TMC5: variants seen among roughly 807,000 people sequenced by gnomAD.
The protein encoded by TMC5 is transmembrane channel-like protein 5.
A neutral mutation model predicts 110.5 loss-of-function variants in TMC5; 86 were observed. That is an observed-to-expected ratio of 0.78 (90% confidence interval 0.65 to 0.93). The LOEUF (loss-of-function observed/expected upper bound fraction) is 0.93. Ranked by LOEUF, TMC5 falls within the 40% of genes least tolerant of loss-of-function variation. The pLI is 0.00. For synonymous variants in TMC5, 455 were observed against 439.5 expected (o/e 1.04, Z -0.44); for missense variants, 1,144 against 1,222.8 (o/e 0.94, Z 0.96).
intron 5 of TMC5, among the ~76,000 whole-genome samples, chr16:19,451,601 C>A (rs984410905): frequency 6.6e-6 from 1 of 152,030 alleles, no homozygotes; most frequent in Non-Finnish European, 1.5e-5. Flanking sequence ...CTTCTGTGAA[C>A]AAATGGGTGG....
In TMC5 at chr16:19,449,445, C is replaced by T. The variant is rs74013780; in HGVS notation, c.959-97C>T. 8.0e-6 allele frequency: 8 copies of T among 999,578 alleles called. No individual in the cohort carries two copies. In the East Asian group the frequency reaches 1.2e-4, roughly 15 times the overall value. The allele number at this position is 999,578 out of a possible 1,614,324, so 61.9% of individuals were successfully genotyped here. ...AAGACCAGGTCTCAGTCTTATTAGC[C>T]GTTACGAACCACTATTAGCACATCA... On this transcript the variant is annotated intron_variant, in intron 4 of 21. Transcript: ENST00000542583.
At chr16:19,462,199 T>G (rs770360874) in intron 6 of TMC5, among the ~76,000 whole-genome samples, 2 of 152,180 alleles carry the variant, frequency 1.3e-5, no homozygotes, top group Non-Finnish European at 2.9e-5. Flanking sequence ...ATAGCAAGAT[T>G]TCTTAATATC....
intron 5 of TMC5, among the ~76,000 whole-genome samples, chr16:19,457,249 C>T (rs1474965784): frequency 6.6e-6 from 1 of 152,026 alleles, no homozygotes; most frequent in Non-Finnish European, 1.5e-5. Flanking sequence ...AAAATAATAA[C>T]CAGGCATGAT....
intron 1 of TMC5, among the ~76,000 whole-genome samples, chr16:19,422,103 T>C (rs1597155920): frequency 1.3e-5 from 2 of 151,396 alleles, no homozygotes; most frequent in East Asian, 2.0e-4. Flanking sequence ...TGGTGGCACA[T>C]GCCTGTAGTC....
intron 2 of TMC5, among the ~76,000 whole-genome samples, chr16:19,433,309 A>C (rs1202135407): frequency 6.6e-6 from 1 of 152,212 alleles, no homozygotes; most frequent in Non-Finnish European, 1.5e-5. Context: ...TTCCCATGGC[A>C]GTGGAAGGGG....
At chr16:19,470,127 C>G (rs546653089) in intron 10 of TMC5, among the ~76,000 whole-genome samples, 1 of 151,820 alleles carries the variant, frequency 6.6e-6, no homozygotes, top group East Asian at 1.9e-4. Context: ...ATCTCCTGAC[C>G]TCGTGATCCA....
intron 11 of TMC5, 149 bp downstream of exon 11, chr16:19,472,392 G>A: frequency 1.2e-6 from 1 of 867,948 alleles, no homozygotes; most frequent in Non-Finnish European, 1.7e-6. Flanking sequence ...ATGCAGGGGT[G>A]AGGCACAGTG....
intron 12 of TMC5, chr16:19,474,880 T>C (rs1439029998): frequency 1.3e-5 from 2 of 152,174 alleles, no homozygotes; most frequent in African/African-American, 2.4e-5. Flanking sequence ...AAGCTGTGAG[T>C]CCTGGTACCC....
chr16:19,438,390 CA>C (rs60807937), intron 2 of TMC5, among the ~76,000 whole-genome samples: 4,360 of 60,014 alleles, frequency 0.073, 82 homozygotes, highest in African/African-American at 0.15. Context: ...GACACCCTGT[CA>C]AAAAAAAAAA....
chr16:19,469,799 C>T lies in TMC5; in HGVS notation c.1756C>T (p.Gln586Ter). The T allele has an allele frequency of 6.2e-7, 1 of 1,614,142 alleles. No homozygotes were observed. Among genetic ancestry groups the T allele is most frequent in the East Asian group, 2.2e-5 (1 of 44,894 alleles). ...VTHEKAVKLK[Q>*]KNLSTEIREN... ...TCATGAAAAAGCTGTGAAGCTAAAA[C>T]AGAAGAATCTTAGCACTGAGATAAG... is the stretch of plus-strand genomic sequence containing the variant. The change falls in exon 10 of 22, where the codon CAG (glutamine) becomes TAG (stop). Residue 586 changes from glutamine to a stop codon, truncating the protein, a stop_gained. Coordinates refer to ENST00000542583, the MANE Select transcript of TMC5 (RefSeq NM_001261841.2). LOFTEE classifies it high-confidence loss of function.
At chr16:19,484,941 T>C (rs1968702363) in intron 15 of TMC5, among the ~76,000 whole-genome samples, 1 of 151,830 alleles carries the variant, frequency 6.6e-6, no homozygotes, top group Admixed American at 6.6e-5. Flanking sequence ...TGATGAGTTT[T>C]ACAAGAAGAT....
chr16:19,458,189 C>A (rs1410160039), intron 5 of TMC5, among the ~76,000 whole-genome samples: 1 of 151,976 alleles, frequency 6.6e-6, no homozygotes, highest in Non-Finnish European at 1.5e-5. Flanking sequence ...AATGGAGATG[C>A]TGTTTCTTTT....
chr16:19,434,257 ATATC>A (rs1182143946), intron 2 of TMC5, among the ~76,000 whole-genome samples: 1 of 124,202 alleles, frequency 8.1e-6, no homozygotes, highest in African/African-American at 3.2e-5. Context: ...TAAAATATAT[ATATC>A]TATAATATAT....
chr16:19,434,423 A>G (rs1967291833), intron 2 of TMC5, among the ~76,000 whole-genome samples: 1 of 135,044 alleles, frequency 7.4e-6, no homozygotes, highest in East Asian at 2.0e-4. Flanking sequence ...ATCTATATAT[A>G]ATATGTATAT....
chr16:19,420,211 G>A (rs1966953612), intron 1 of TMC5, among the ~76,000 whole-genome samples: 1 of 152,118 alleles, frequency 6.6e-6, no homozygotes, highest in Admixed American at 6.5e-5. Context: ...CAGATCACGA[G>A]ATTAGGAGAT....
chr16:19,477,427 C>G lies in TMC5; in HGVS notation c.2091-13C>G, dbSNP rs1407716666. ...CATTGAAGGTAATCATAAATGTTGTCTCTTCTGTTTAGAAACATCTTTTTG... is the reference window on the plus strand; with the variant it reads ...CATTGAAGGTAATCATAAATGTTGTGTCTTCTGTTTAGAAACATCTTTTTG... On this transcript the variant is annotated splice_polypyrimidine_tract_variant and intron_variant, in intron 12 of 21. Transcript: ENST00000542583. 1.3e-6 allele frequency: 2 copies of G among 1,588,578 alleles called. No homozygotes were observed. The highest frequency in any genetic ancestry group is 1.7e-6 in the Non-Finnish European group (2 of 1,157,186).
chr16:19,420,426 C>CAA (rs537866257), intron 1 of TMC5, among the ~76,000 whole-genome samples: 2 of 142,356 alleles, frequency 1.4e-5, no homozygotes, highest in African/African-American at 5.2e-5. Flanking sequence ...GACTCCGTCT[C>CAA]AAAAAAAAAA....
At chr16:19,444,379 T>G in intron 4 of TMC5, 129 bp downstream of exon 4, 1 of 759,232 alleles carries the variant, frequency 1.3e-6, no homozygotes, top group Non-Finnish European at 2.1e-6. Context: ...AGACCCTTGT[T>G]TTTACATACA....
chr16:19,429,560 C>G (rs1445672956), intron 1 of TMC5, among the ~76,000 whole-genome samples: 2 of 152,072 alleles, frequency 1.3e-5, no homozygotes, highest in African/African-American at 2.4e-5. Flanking sequence ...TGTGAGCGTC[C>G]CATGACCTGG....
Sources: allele counts gnomAD v4.1 joint callset (sites outside exome capture counted in the v4.1 genomes callset), GRCh38; gene constraint gnomAD v4.1.1; transcripts MANE v1.5; gene names NCBI Gene and HGNC (gene_info 2026-07-23, HGNC 2026-07-21).